The following STXBP5L variants were observed in gnomAD, a reference collection of about 807,000 sequenced individuals.
The protein encoded by STXBP5L is syntaxin binding protein 5L.
Under a neutral mutation model 144.5 loss-of-function variants are expected in STXBP5L, and 65 were observed. The observed-to-expected ratio is 0.45, with a 90% CI of 0.37 to 0.55. The LOEUF (loss-of-function observed/expected upper bound fraction) is 0.55, where lower values mean the gene tolerates loss of function less well. Among genes scored for constraint, STXBP5L ranks in the 20% least tolerant of loss-of-function variants. The pLI, the probability that STXBP5L is intolerant of heterozygous loss-of-function variation, is 0.00. For missense variants in STXBP5L, 1,298 were observed against 1,405.5 expected (o/e 0.92, Z 1.22); for synonymous variants, 505 against 469.6 (o/e 1.08, Z -0.97).
chr3:121,053,558 G>T (rs930193511), intron 5 of STXBP5L, among the ~76,000 whole-genome samples: 3 of 150,334 alleles, frequency 2.0e-5, no homozygotes, highest in Non-Finnish European at 4.5e-5. Flanking sequence ...GCTGAATTTG[G>T]ATCCCTTACA....
At chr3:121,113,666 C>CTTTTTTTTTTTTTTTTT (rs1273804231) in intron 5 of STXBP5L, among the ~76,000 whole-genome samples, 16 of 132,870 alleles carry the variant, frequency 1.2e-4, no homozygotes, top group Admixed American at 2.4e-4. Flanking sequence ...ATTCTTTTTT[C>CTTTTTTTTTTTTTTTTT]TTTTTCTTTT....
chr3:121,190,173 T>G (rs1456068750), intron 9 of STXBP5L, among the ~76,000 whole-genome samples: 1 of 152,152 alleles, frequency 6.6e-6, no homozygotes, highest in Non-Finnish European at 1.5e-5. Context: ...GTGAACAAAG[T>G]CTCTGGTTTT....
intron 20 of STXBP5L, among the ~76,000 whole-genome samples, chr3:121,337,978 A>G (rs540335411): frequency 6.6e-6 from 1 of 152,304 alleles, no homozygotes; most frequent in East Asian, 1.9e-4. Context: ...TGAAATCAAG[A>G]TGAAAATTTA....
Position 121,252,493 on chromosome 3 carries a change from TTAAA to T in STXBP5L, c.1441+1737_1441+1740del, listed in dbSNP as rs1194082178. Among the ~76,000 whole-genome samples, 8 of 152,324 alleles carry T rather than the reference TTAAA, an allele frequency of 5.3e-5. 1 individual carries two copies. Among genetic ancestry groups the T allele is most frequent in the South Asian group, 2.1e-4 (1 of 4,824 alleles). ...TAATAATATTTTGAGAAGTTAATTT[TTAAA>T]TAAATATTTTATCACATTTAGAATA... On this transcript the variant is annotated intron_variant, in intron 15 of 26. Transcript: ENST00000471454.
At chr3:121,109,885 C>T (rs1005536514) in intron 5 of STXBP5L, among the ~76,000 whole-genome samples, 4 of 152,200 alleles carry the variant, frequency 2.6e-5, no homozygotes, top group South Asian at 4.1e-4. Context: ...TTATAAATTT[C>T]GTTGCTCTTG....
intron 2 of STXBP5L, among the ~76,000 whole-genome samples, chr3:120,923,698 G>C (rs1449566002): frequency 6.6e-6 from 1 of 151,990 alleles, no homozygotes; most frequent in Non-Finnish European, 1.5e-5. Flanking sequence ...GATCATAAAA[G>C]ATATGTCATA....
chr3:121,032,048 A>G (rs775327900), intron 3 of STXBP5L, among the ~76,000 whole-genome samples: 15 of 152,108 alleles, frequency 9.9e-5, no homozygotes, highest in Non-Finnish European at 2.1e-4. Flanking sequence ...GAGTATTTAG[A>G]TACATTTTCT....
intron 5 of STXBP5L, among the ~76,000 whole-genome samples, chr3:121,085,238 A>T (rs2042433687): frequency 6.6e-6 from 1 of 152,078 alleles, no homozygotes; most frequent in Non-Finnish European, 1.5e-5. Flanking sequence ...CCGTTTGCCA[A>T]TTTTTGTTTT....
At chr3:120,940,276 A>T (rs1710499190) in intron 2 of STXBP5L, among the ~76,000 whole-genome samples, 1 of 152,026 alleles carries the variant, frequency 6.6e-6, no homozygotes, top group South Asian at 2.1e-4. Flanking sequence ...AAGCTAGTGT[A>T]GCTAGGAAGA....
intron 10 of STXBP5L, among the ~76,000 whole-genome samples, chr3:121,217,219 C>CATGAAA (rs1435372283): frequency 1.3e-5 from 2 of 152,122 alleles, no homozygotes; most frequent in Non-Finnish European, 2.9e-5. Flanking sequence ...TTCCAGGTGC[C>CATGAAA]AGCGAGGTAT....
chr3:121,048,389 C>A (rs974429998), intron 5 of STXBP5L, among the ~76,000 whole-genome samples: 3 of 152,062 alleles, frequency 2.0e-5, no homozygotes, highest in Non-Finnish European at 4.4e-5. Flanking sequence ...GTATTTTGGC[C>A]TCTCTAGTGA....
rs770260317 is a variant in STXBP5L at position 120,909,642 on chromosome 3, A to G, written c.64A>G (p.Ser22Gly). 1 of 1,613,882 alleles carries G rather than the reference A, an allele frequency of 6.2e-7. No individual in the cohort carries two copies. Among genetic ancestry groups the G allele is most frequent in the Non-Finnish European group, 8.5e-7 (1 of 1,179,910 alleles). The change falls in exon 2 of 27, where the codon AGC becomes GGC. Residue 22 changes from serine to glycine, a missense_variant. Transcript: ENST00000471454. ...GLTASSPGSG[S>G]SSGSNSGGGA... is the part of the protein sequence containing the mutation. ...AACTGCCTCCTCCCCTGGCAGTGGT[A>G]GCAGCAGTGGCAGTAACAGTGGTGG...
intron 5 of STXBP5L, among the ~76,000 whole-genome samples, chr3:121,069,878 A>C (rs2041726131): frequency 6.6e-6 from 1 of 152,056 alleles, no homozygotes; most frequent in Admixed American, 6.6e-5. Context: ...TTGCTCTTGC[A>C]CTTTTGTCGA....
chr3:121,259,038 TA>T lies in STXBP5L; in HGVS notation c.1833-2del, dbSNP rs1311910869. ...TATATAATAGGATTGTTTTTGTTCT[TA>T]AAGTGTGAAGACACGGCCAGTGCGA... On this transcript the variant is annotated splice_polypyrimidine_tract_variant and splice_region_variant and intron_variant, in intron 17 of 26. Coordinates refer to ENST00000471454, the MANE Select transcript of STXBP5L (RefSeq NM_001308330.2). 35 of 1,590,178 alleles carry T rather than the reference TA, an allele frequency of 2.2e-5. No homozygotes were observed. Among genetic ancestry groups the T allele is most frequent in the Admixed American group, 5.2e-5 (3 of 57,788 alleles).
intron 5 of STXBP5L, among the ~76,000 whole-genome samples, chr3:121,084,051 T>C (rs897896538): frequency 1.3e-5 from 2 of 152,120 alleles, no homozygotes; most frequent in Non-Finnish European, 2.9e-5. Context: ...ATTCATTGAT[T>C]ATCTCTATTC....
chr3:121,386,115 A>AG (rs2046420357), intron 22 of STXBP5L, among the ~76,000 whole-genome samples: 3 of 152,310 alleles, frequency 2.0e-5, no homozygotes, highest in African/African-American at 7.2e-5. Context: ...TAATACAATA[A>AG]TAACATTGTA....
intron 3 of STXBP5L, among the ~76,000 whole-genome samples, chr3:120,964,110 G>A (rs1360682768): frequency 6.6e-6 from 1 of 152,176 alleles, no homozygotes; most frequent in Admixed American, 6.5e-5. Flanking sequence ...TGCAGGATCG[G>A]TGGTGATATT....
At chr3:121,129,346 T>G (rs1283849456) in intron 7 of STXBP5L, among the ~76,000 whole-genome samples, 1 of 151,892 alleles carries the variant, frequency 6.6e-6, no homozygotes, top group Non-Finnish European at 1.5e-5. Flanking sequence ...ACTGCAGAGA[T>G]TATTAGCACA....
chr3:121,052,759 G>A lies in STXBP5L; in HGVS notation c.470+7224G>A, dbSNP rs1024921896. On this transcript the variant is annotated intron_variant, in intron 5 of 26. Coordinates refer to ENST00000471454, the MANE Select transcript of STXBP5L (RefSeq NM_001308330.2). ...AGTTCTGGCCAGGGCAATCAGGCAG[G>A]AGAAGGAAATAAAGGGTATTCAATT... 7.5e-4 allele frequency among the ~76,000 whole-genome samples: 114 copies of A among 152,104 alleles called. 1 individual carries two copies. Among genetic ancestry groups the A allele is most frequent in the African/African-American group, 2.6e-3 (108 of 41,478 alleles).
Sources: gnomAD v4.1 joint callset for allele counts (sites outside exome capture counted in the v4.1 genomes callset) on GRCh38, gnomAD v4.1.1 for gene constraint, MANE v1.5 for transcripts, NCBI Gene and HGNC (gene_info 2026-07-23, HGNC 2026-07-21) for gene names.